PPP1R27: variants seen among roughly 807,000 people sequenced by gnomAD.
The protein encoded by PPP1R27 is dysferlin interacting protein 1.
A neutral mutation model predicts 12.0 loss-of-function variants in PPP1R27; 10 were observed. That is an observed-to-expected ratio of 0.84 (90% confidence interval 0.52 to 1.42). The LOEUF is 1.42. Ranked by LOEUF, PPP1R27 falls within the 40% of genes most tolerant of loss-of-function variation. PPP1R27 has a pLI of 0.00. For missense variants in PPP1R27, 246 were observed against 215.3 expected, an observed-to-expected ratio of 1.14 and a Z score of -0.89; for synonymous variants, 98 against 89.3, an observed-to-expected ratio of 1.10 and a Z score of -0.55.
intron 2 of PPP1R27, chr17:81,834,083 G>C (rs978978017): frequency 9.5e-6 from 5 of 526,112 alleles, no homozygotes; most frequent in African/African-American, 3.8e-5. Flanking sequence ...GAAGCCTCTA[G>C]GGTTTGCAGG....
In PPP1R27 at chr17:81,834,771, G is replaced by C. The variant is rs372484438; in HGVS notation, c.183C>G (p.His61Gln). 9 of 1,612,230 alleles carry C rather than the reference G, an allele frequency of 5.6e-6. No individual in the cohort carries two copies. Among genetic ancestry groups the C allele is most frequent in the Non-Finnish European group, 7.6e-6 (9 of 1,179,114 alleles). Residue 61 changes from histidine to glutamine, a missense_variant, in exon 1 of 3, where the codon CAC (histidine) becomes CAG (glutamine). Coordinates refer to ENST00000330261, the MANE Select transcript of PPP1R27 (RefSeq NM_001007533.4). ...RTRKVSLATI[H>Q]PSGLAALHEA... ...CTTCCAGGCTTTGCTCACCTGAGGGGTGGATGGTGGCCAGGGAGACTTTCC... is the reference window on the plus strand; with the variant it reads ...CTTCCAGGCTTTGCTCACCTGAGGGCTGGATGGTGGCCAGGGAGACTTTCC...
Position 81,834,802 on chromosome 17 carries a change from C to G in PPP1R27, c.152G>C (p.Arg51Pro). 6.2e-7 allele frequency: 1 copy of G among 1,613,228 alleles called. No homozygotes were observed. The highest frequency in any genetic ancestry group is 8.5e-7 in the Non-Finnish European group (1 of 1,179,630). ...GDLEQVGRFI[R>P]TRKVSLATIH... ...GGTGGCCAGGGAGACTTTCCGAGTC[C>G]GGATGAAGCGCCCCACCTGCTCCAG... is the stretch of plus-strand genomic sequence containing the variant. Residue 51 changes from arginine (R) to proline (P), a missense_variant, in exon 1 of 3, where the codon CGG becomes CCG. By Grantham distance (103) the Arg-to-Pro change is moderately radical (BLOSUM62 -2). Coordinates refer to ENST00000330261, the MANE Select transcript of PPP1R27 (RefSeq NM_001007533.4).
rs755062149 is a variant in PPP1R27, at chr17:81,834,528, TGCA to T, written c.313_315del (p.Cys105del). Reference sequence around the variant, plus strand: ...CTGGCTATGTCAGGGTACCCATCGCTGCAGGCAATGTGCAGGGGTGTCCAGCCC... The same window carrying T: ...CTGGCTATGTCAGGGTACCCATCGCTGGCAATGTGCAGGGGTGTCCAGCCC... On this transcript the variant is annotated inframe_deletion, in exon 2 of 3. Coordinates refer to ENST00000330261, the MANE Select transcript of PPP1R27 (RefSeq NM_001007533.4). The T allele has an allele frequency of 2.0e-5, 32 of 1,613,996 alleles. No homozygotes were observed. The highest frequency in any genetic ancestry group is 2.6e-5 in the Non-Finnish European group (31 of 1,180,012).
chr17:81,834,258 C>T, intron 2 of PPP1R27: 1 of 522,954 alleles, frequency 1.9e-6, no homozygotes, highest in Non-Finnish European at 3.4e-6. Context: ...CGCGCCACCA[C>T]GCGTGGCTAA....
At position 81,833,780 on chromosome 17, in the gene PPP1R27, G is replaced by C. The variant is rs376903084; in HGVS notation, c.414C>G (p.Asp138Glu). The change falls in exon 3 of 3, where the codon GAC becomes GAG. Residue 138 changes from aspartate to glutamate, a missense_variant. By Grantham distance (45) the Asp-to-Glu change is conservative. Transcript: ENST00000330261. ...GCTCCACCAGCTCCTTGTAGTCCGG[G>C]TCGATGAGGTCGGAGGGCAGGTCGC... ...DDGDLPSDLI[D>E]PDYKELVELF... The C allele has an allele frequency of 1.0e-5, 16 of 1,557,768 alleles. No homozygotes were observed. Among genetic ancestry groups the C allele is most frequent in the Non-Finnish European group, 1.4e-5 (16 of 1,150,642 alleles).
chr17:81,833,636 G>C lies in PPP1R27; in HGVS notation c.*93C>G. On this transcript the variant is annotated 3_prime_UTR_variant, in exon 3 of 3. Transcript: ENST00000330261. ...TGGAGGGACGGGTCCGGCCGCCCCT[G>C]GCCCACGGGTGGGGCACGTGCTGGC... 7.2e-7 allele frequency: 1 copy of C among 1,394,436 alleles called. No homozygotes were observed. Among genetic ancestry groups the C allele is most frequent in the Non-Finnish European group, 9.5e-7 (1 of 1,050,196 alleles). The allele number at this position is 1,394,436 out of a possible 1,614,324, so 86.4% of individuals were successfully genotyped here.
chr17:81,834,089 G>T (rs915994776), intron 2 of PPP1R27: 2 of 518,672 alleles, frequency 3.9e-6, no homozygotes, highest in East Asian at 3.1e-5. Flanking sequence ...TCTAGGGTTT[G>T]CAGGGTTCTT....
chr17:81,833,924 G>A, intron 2 of PPP1R27, 72 bp from the exon 3 acceptor site: 1 of 1,537,584 alleles, frequency 6.5e-7, no homozygotes, highest in South Asian at 1.2e-5. Context: ...CCGGGTCAGA[G>A]GGCCAGAGTC....
chr17:81,834,251 G>A (rs2038582743), intron 2 of PPP1R27: 1 of 506,800 alleles, frequency 2.0e-6, no homozygotes, highest in Non-Finnish European at 3.5e-6. Flanking sequence ...ACAGGCGCGC[G>A]CCACCACGCG....
chr17:81,834,244 GGC>G, intron 2 of PPP1R27: 1 of 501,314 alleles, frequency 2.0e-6, no homozygotes, highest in Non-Finnish European at 3.6e-6. Flanking sequence ...TGGGATTACA[GGC>G]GCGCGCCACC....
Position 81,833,729 on chromosome 17 carries a change from T to C in PPP1R27, c.465A>G (p.Ter155TrpextTer71), listed in dbSNP as rs1188541789. 1 of 1,548,994 alleles carries C rather than the reference T, an allele frequency of 6.5e-7. No homozygotes were observed. Among genetic ancestry groups the C allele is most frequent in the South Asian group, 1.2e-5 (1 of 84,048 alleles). The change falls in exon 3 of 3, where the codon TGA (stop) becomes TGG (tryptophan). Residue 155 changes from the stop codon to tryptophan, a stop_lost. Coordinates refer to ENST00000330261, the MANE Select transcript of PPP1R27 (RefSeq NM_001007533.4). The stretch of plus-strand genomic sequence containing the variant: ...GCGGGGGCGGGCGGGCAAAGCTGGC[T>C]CAGTCCATCGTGGTCCCTTTGAAGA... ...VELFKGTTMD[*>W]
chr17:81,834,708 G>T, intron 1 of PPP1R27, 55 bp from the exon 2 acceptor site: 2 of 1,610,446 alleles, frequency 1.2e-6, no homozygotes, highest in South Asian at 2.2e-5. Context: ...GGTCCTCCTT[G>T]CTGGCCTCTC....
rs766629063 is a variant in PPP1R27, at chr17:81,834,540, G to T, written c.304C>A (p.His102Asn). Residue 102 changes from histidine (H) to asparagine (N), a missense_variant, in exon 2 of 3, where the codon CAC (histidine) becomes AAC (asparagine). Transcript: ENST00000330261. ...QRDEAGWTPL[H>N]IACSDGYPDI... The stretch of plus-strand genomic sequence containing the variant: ...GGGTACCCATCGCTGCAGGCAATGT[G>T]CAGGGGTGTCCAGCCCGCCTCATCT... The T allele has an allele frequency of 6.2e-7, 1 of 1,614,158 alleles. No individual in the cohort carries two copies. The highest frequency in any genetic ancestry group is 2.2e-5 in the East Asian group (1 of 44,892).
In PPP1R27 at chr17:81,833,514, C is replaced by T. The variant is rs1482573735; in HGVS notation, c.*215G>A. ...GGACCACGTGTGTAGACCCAGGCCC[C>T]CTCACCTGGGAGTCACGTTTATTGA... On this transcript the variant is annotated 3_prime_UTR_variant, in exon 3 of 3. Coordinates refer to ENST00000330261, the MANE Select transcript of PPP1R27 (RefSeq NM_001007533.4). The T allele has an allele frequency of 1.8e-6, 1 of 549,346 alleles. No individual in the cohort carries two copies. The highest frequency in any genetic ancestry group is 3.2e-5 in the East Asian group (1 of 31,572). The allele number at this position is 549,346 out of a possible 1,614,324, so 34.0% of individuals were successfully genotyped here.
At chr17:81,834,436 A>G in intron 2 of PPP1R27, 67 bp downstream of exon 2, 1 of 1,569,634 alleles carries the variant, frequency 6.4e-7, no homozygotes, top group African/African-American at 1.3e-5. Context: ...TGGGGCTCCC[A>G]TCCTGGGGAC....
chr17:81,833,530 C>T lies in PPP1R27; in HGVS notation c.*199G>A. The T allele has an allele frequency of 1.7e-6, 1 of 576,778 alleles. No individual in the cohort carries two copies. The highest frequency in any genetic ancestry group is 3.0e-6 in the Non-Finnish European group (1 of 330,336). 35.7% of individuals were successfully genotyped at this position (576,778 alleles called of 1,614,324 possible). On this transcript the variant is annotated 3_prime_UTR_variant, in exon 3 of 3. Coordinates refer to ENST00000330261, the MANE Select transcript of PPP1R27 (RefSeq NM_001007533.4). ...CCCAGGCCCCCTCACCTGGGAGTCA[C>T]GTTTATTGAAAAAGTAAAAAGTGTC...
At chr17:81,834,177 C>G (rs1459840950) in intron 2 of PPP1R27, 1 of 461,940 alleles carries the variant, frequency 2.2e-6, no homozygotes, top group Non-Finnish European at 3.9e-6. Context: ...GATCTCGACT[C>G]ACGGCAACCT....
rs375182460 is a variant in PPP1R27 at position 81,833,709 on chromosome 17, G to A, written c.*20C>T. On this transcript the variant is annotated 3_prime_UTR_variant, in exon 3 of 3. Transcript: ENST00000330261. ...CCAGGGAGGCGGCCCTGGGCGCGGG[G>A]GCGGGCGGGCAAAGCTGGCTCAGTC... The A allele has an allele frequency of 2.6e-6, 4 of 1,544,908 alleles. No homozygotes were observed. The highest frequency in any genetic ancestry group is 2.6e-6 in the Non-Finnish European group (3 of 1,146,002).
rs1014924793 is a variant in PPP1R27, at chr17:81,834,998, TG to T, written c.-46del. The T allele has an allele frequency of 1.3e-6, 2 of 1,514,080 alleles. No homozygotes were observed. Among genetic ancestry groups the T allele is most frequent in the Non-Finnish European group, 1.8e-6 (2 of 1,133,054 alleles). The allele number at this position is 1,514,080 out of a possible 1,614,324, so 93.8% of individuals were successfully genotyped here. On this transcript the variant is annotated 5_prime_UTR_variant, in exon 1 of 3. Transcript: ENST00000330261. The stretch of plus-strand genomic sequence containing the variant: ...GTTGCCCCTGGGGACCCTACTGCAC[TG>T]GGGTTAATAATGTATCCGGTCCCGA...
Sources: gnomAD v4.1 joint callset for allele counts on GRCh38, gnomAD v4.1.1 for gene constraint, MANE v1.5 for transcripts, NCBI Gene and HGNC (gene_info 2026-07-23, HGNC 2026-07-21) for gene names.